SMCO2: variants seen among roughly 807,000 people sequenced by gnomAD.
SMCO2 encodes the protein single-pass membrane and coiled-coil domain-containing protein 2.
SMCO2 carries 25 observed loss-of-function variants against 29.5 expected under a neutral mutation model. The observed-to-expected ratio is 0.85, with a 90% CI of 0.62 to 1.18. The LOEUF (loss-of-function observed/expected upper bound fraction) is 1.18. Ranked by LOEUF, SMCO2 falls within the 50% of genes most tolerant of loss-of-function variation. The pLI is 0.00. For synonymous variants in SMCO2, 117 were observed against 123.3 expected, an observed-to-expected ratio of 0.95 and a Z score of 0.34; for missense variants, 348 against 344.5, an observed-to-expected ratio of 1.01 and a Z score of -0.08.
chr12:27,487,685 T>A (rs1949700098), intron 4 of SMCO2, among the ~76,000 whole-genome samples: 1 of 152,138 alleles, frequency 6.6e-6, no homozygotes, highest in South Asian at 2.1e-4. Flanking sequence ...CCACCACCAA[T>A]TTATGAATGA....
the SMCO2 span, among the ~76,000 whole-genome samples, chr12:27,442,320 GAGAA>G: frequency 3.9e-5 from 6 of 152,130 alleles, no homozygotes; most frequent in East Asian, 3.9e-4. Context: ...AAAAGAGCAA[GAGAA>G]AGAAAGAGAC....
At chr12:27,435,407 T>A in the SMCO2 span, among the ~76,000 whole-genome samples, 7 of 148,816 alleles carry the variant, frequency 4.7e-5, no homozygotes, top group African/African-American at 1.7e-4. Flanking sequence ...TACTCTAAAC[T>A]CTAAAGAGGT....
the SMCO2 span, among the ~76,000 whole-genome samples, chr12:27,458,457 A>G: frequency 6.6e-6 from 1 of 152,254 alleles, no homozygotes; most frequent in Non-Finnish European, 1.5e-5. Context: ...ACTTATAAAT[A>G]GGGTAAATAA....
exon 2 of SMCO2, chr12:27,470,709 T>A (rs1206541597): frequency 6.4e-7 from 1 of 1,551,094 alleles, no homozygotes; most frequent in Non-Finnish European, 8.7e-7. Context: ...AACAGCTGAC[T>A]AAGAAAAACA....
the SMCO2 span, among the ~76,000 whole-genome samples, chr12:27,436,559 CAAAA>C: frequency 6.6e-6 from 1 of 152,052 alleles, no homozygotes; most frequent in East Asian, 1.9e-4. Context: ...AAGAAGAAAA[CAAAA>C]GAAAGGAAAG....
intron 5 of SMCO2, among the ~76,000 whole-genome samples, chr12:27,490,732 C>G (rs1018555691): frequency 6.6e-6 from 1 of 152,096 alleles, no homozygotes; most frequent in Non-Finnish European, 1.5e-5. Context: ...GAGTTTGAGA[C>G]CAGCCACGGC....
chr12:27,490,921 G>T (rs887140704), intron 5 of SMCO2, among the ~76,000 whole-genome samples: 1 of 152,082 alleles, frequency 6.6e-6, no homozygotes, highest in Non-Finnish European at 1.5e-5. Flanking sequence ...CTGGGCAGCC[G>T]AGTGAGACAC....
the SMCO2 span, among the ~76,000 whole-genome samples, chr12:27,432,851 A>G: frequency 2.0e-5 from 3 of 152,210 alleles, no homozygotes; most frequent in African/African-American, 7.2e-5. Context: ...AGCATATTAA[A>G]CTCATTGAGA....
At chr12:27,471,845 T>A (rs142150945) in intron 2 of SMCO2, among the ~76,000 whole-genome samples, 53 of 152,302 alleles carry the variant, frequency 3.5e-4, no homozygotes, top group African/African-American at 1.2e-3. Context: ...TGAAAATTGA[T>A]TCAACCTCTT....
chr12:27,490,020 G>A (rs1408872811), intron 5 of SMCO2, among the ~76,000 whole-genome samples: 1 of 152,100 alleles, frequency 6.6e-6, no homozygotes, highest in Non-Finnish European at 1.5e-5. Context: ...ACACATATAC[G>A]GAAATTCTCT....
intron 1 of SMCO2, 77 bp from the exon 2 acceptor site, chr12:27,470,545 A>G (rs1949532568): frequency 6.8e-7 from 1 of 1,467,708 alleles, no homozygotes; most frequent in South Asian, 1.3e-5. Flanking sequence ...GGAAGAAGTT[A>G]GTCTGGTGTC....
chr12:27,466,144 C>T (rs1023947399), upstream of SMCO2, among the ~76,000 whole-genome samples: 8 of 152,120 alleles, frequency 5.3e-5, no homozygotes, highest in Admixed American at 1.3e-4. Context: ...TGCTTGGGCC[C>T]GGTGCAGTGG....
At chr12:27,437,554 A>AC in the SMCO2 span, among the ~76,000 whole-genome samples, 2 of 152,088 alleles carry the variant, frequency 1.3e-5, no homozygotes, top group Admixed American at 1.3e-4. Context: ...CGTAGATTTC[A>AC]TTTAGTTTGA....
At chr12:27,436,583 G>C in the SMCO2 span, among the ~76,000 whole-genome samples, 2 of 152,076 alleles carry the variant, frequency 1.3e-5, no homozygotes, top group Non-Finnish European at 2.9e-5. Context: ...GACTGAGGGA[G>C]GTCAGGGAAA....
At chr12:27,432,706 G>A in the SMCO2 span, among the ~76,000 whole-genome samples, 15 of 152,304 alleles carry the variant, frequency 9.8e-5, no homozygotes, top group African/African-American at 3.6e-4. Context: ...ATGATCAACT[G>A]AGGTGACACA....
rs143446068 is a variant in SMCO2, at chr12:27,481,871, T to G, written c.363-6589T>G. ...ACTTATTCCTGAAATTGAATATTTG[T>G]GTCTTCTTTTCTTTTTGTTGTATCA... On this transcript the variant is annotated intron_variant, in intron 4 of 7. Coordinates refer to ENST00000298876, the Ensembl canonical transcript of SMCO2. Among the ~76,000 whole-genome samples, 278 of 152,306 alleles carry G rather than the reference T, an allele frequency of 1.8e-3. 1 individual carries two copies. Among genetic ancestry groups the G allele is most frequent in the African/African-American group, 6.2e-3 (259 of 41,566 alleles).
the SMCO2 span, among the ~76,000 whole-genome samples, chr12:27,433,770 C>T: frequency 2.0e-5 from 3 of 152,206 alleles, no homozygotes; most frequent in Non-Finnish European, 4.4e-5. Flanking sequence ...GCCGTTCTTC[C>T]TTTAACTCTA....
At chr12:27,496,681 T>C (rs1262623487) in intron 7 of SMCO2, among the ~76,000 whole-genome samples, 3 of 150,652 alleles carry the variant, frequency 2.0e-5, no homozygotes, top group Admixed American at 6.6e-5. Flanking sequence ...CCAACCCAGG[T>C]AGAATCTCAG....
intron 4 of SMCO2, among the ~76,000 whole-genome samples, chr12:27,485,957 G>C (rs1180679225): frequency 6.6e-6 from 1 of 152,122 alleles, no homozygotes; most frequent in Non-Finnish European, 1.5e-5. Context: ...AATTATTGTA[G>C]GGCAGGACCA....
Sources: allele counts gnomAD v4.1 joint callset (sites outside exome capture counted in the v4.1 genomes callset), GRCh38; gene constraint gnomAD v4.1.1; transcripts MANE v1.5; gene names NCBI Gene and HGNC (gene_info 2026-07-23, HGNC 2026-07-21).